ARHGAP23: variants seen among roughly 807,000 people sequenced by gnomAD.
The protein encoded by ARHGAP23 is rho GTPase-activating protein 23.
A neutral mutation model predicts 136.3 loss-of-function variants in ARHGAP23; 34 were observed. The ratio of observed to expected loss-of-function variants is 0.25; its 90% confidence interval spans 0.19 to 0.33. The LOEUF is 0.33. ARHGAP23 is among the 10% of genes least tolerant of loss of function. The probability of loss-of-function intolerance (pLI) is 1.00; values close to 1 mark genes in which losing one functional copy is unlikely to be tolerated. For synonymous variants in ARHGAP23, 832 were observed against 920.5 expected, an observed-to-expected ratio of 0.90 and a Z score of 1.74; for missense variants, 1,808 against 2,139.0, an observed-to-expected ratio of 0.85 and a Z score of 3.05.
At chr17:38,439,522 A>G (rs1417178547) in intron 1 of ARHGAP23, among the ~76,000 whole-genome samples, 2 of 152,184 alleles carry the variant, frequency 1.3e-5, no homozygotes, top group Non-Finnish European at 2.9e-5. Context: ...TTGCCCACCA[A>G]TAATAATAAC....
In ARHGAP23 at chr17:38,486,285, T is replaced by C. The variant is rs1420064696; in HGVS notation, c.2986+145T>C. 17 of 779,860 alleles carry C rather than the reference T, an allele frequency of 2.2e-5. No individual in the cohort carries two copies. The Admixed American group carries it at 4.2e-4, about 19-fold the overall frequency. 48.3% of individuals were successfully genotyped at this position (779,860 alleles called of 1,614,324 possible). On this transcript the variant is annotated intron_variant, in intron 17 of 23. Coordinates refer to ENST00000622683, the MANE Select transcript of ARHGAP23 (RefSeq NM_001199417.2). ...CTCTGTTGCCCAGGCTGGAGTGCAG[T>C]GGCGCAATCACGGCTCATTGCAGCC...
At chr17:38,489,801 T>G (rs2040232358) in intron 17 of ARHGAP23, 1 of 346,716 alleles carries the variant, frequency 2.9e-6, no homozygotes, top group Non-Finnish European at 5.3e-6. Flanking sequence ...GTCCATGTCC[T>G]GGAGACGGGG....
Position 38,469,350 on chromosome 17 carries a change from C to T in ARHGAP23, c.1804+51C>T, listed in dbSNP as rs1430046343. 6.0e-5 allele frequency: 90 copies of T among 1,511,936 alleles called. 1 individual carries two copies. The South Asian group carries it at 1.1e-3, about 19-fold the overall frequency. The allele number at this position is 1,511,936 out of a possible 1,614,324, so 93.7% of individuals were successfully genotyped here. On this transcript the variant is annotated intron_variant, in intron 8 of 23. Coordinates refer to ENST00000622683, the MANE Select transcript of ARHGAP23 (RefSeq NM_001199417.2). ...CCACCCTCTCCCTCGCTGCCCAGTC[C>T]CAGGGGTCTCTGTTGGGCCTGCTGC... is the stretch of plus-strand genomic sequence containing the variant.
At chr17:38,462,792 C>T (rs2039492161) in intron 3 of ARHGAP23, 54 bp from the exon 4 acceptor site, 6 of 1,265,218 alleles carry the variant, frequency 4.7e-6, no homozygotes, top group Non-Finnish European at 6.5e-6. Context: ...TGTAGCTGTG[C>T]ATGGGTGTGA....
rs531978164 is a variant in ARHGAP23, at chr17:38,498,857, C to T, written c.3415+347C>T. 99 of 695,428 alleles carry T rather than the reference C, an allele frequency of 1.4e-4. 2 individuals carry two copies. Among genetic ancestry groups the T allele is most frequent in the South Asian group, 1.4e-3 (94 of 66,752 alleles). The allele number at this position is 695,428 out of a possible 1,614,324, so 43.1% of individuals were successfully genotyped here. ...ATTTTTCTTCCTTTTCTCCTTGCAC[C>T]CCCGCCTCTCCCTCCTCTTCTCCCC... On this transcript the variant is annotated intron_variant, in intron 22 of 23. Coordinates refer to ENST00000622683, the MANE Select transcript of ARHGAP23 (RefSeq NM_001199417.2).
At chr17:38,434,001 C>T (rs533114682) in intron 1 of ARHGAP23, among the ~76,000 whole-genome samples, 1 of 152,102 alleles carries the variant, frequency 6.6e-6, no homozygotes, top group South Asian at 2.1e-4. Flanking sequence ...TTTTTAGAGA[C>T]AAGGTTTCGG....
intron 1 of ARHGAP23, among the ~76,000 whole-genome samples, chr17:38,420,406 C>G: frequency 6.6e-6 from 1 of 152,318 alleles, no homozygotes; most frequent in East Asian, 1.9e-4. Flanking sequence ...CGCCCTAACT[C>G]CCTTCTTTTC....
chr17:38,453,469 G>GCC (rs1458276763), intron 1 of ARHGAP23, among the ~76,000 whole-genome samples: 4 of 150,102 alleles, frequency 2.7e-5, no homozygotes, highest in African/African-American at 9.8e-5. Context: ...GTGCGCGCGC[G>GCC]CGCTGGAAGG....
Position 38,510,783 on chromosome 17 carries a change from C to T in ARHGAP23, c.4287C>T (p.Gly1429=), listed in dbSNP as rs557734782. ...FNEWKELGGG[G]PPEPAGARAH... is the part of the protein sequence containing the mutation. Reference sequence around the variant, plus strand: ...AGTGGAAGGAGCTGGGCGGAGGGGGCCCCCCGGAGCCTGCGGGCGCGCGGG... The same window carrying T: ...AGTGGAAGGAGCTGGGCGGAGGGGGTCCCCCGGAGCCTGCGGGCGCGCGGG... The change falls in exon 24 of 24, where the codon GGC becomes GGT. Residue 1429 remains glycine, a synonymous_variant. Transcript: ENST00000622683. The surrounding 1 kb of genome is among the most constrained non-coding windows in gnomAD (Gnocchi z 4.6). 3.7e-4 allele frequency: 550 copies of T among 1,495,224 alleles called. 2 individuals are homozygous for T. In the Middle Eastern group the frequency reaches 5.1e-3, roughly 14 times the overall value. The allele number at this position is 1,495,224 out of a possible 1,614,324, so 92.6% of individuals were successfully genotyped here.
At position 38,438,213 on chromosome 17, in the gene ARHGAP23, T is replaced by C. The variant is rs547439362; in HGVS notation, c.63+9665T>C. The stretch of plus-strand genomic sequence containing the variant: ...GCATGCGCCTTTAGTCCCAGCTACT[T>C]GGGGGGCTGAGGCAGGAGAATCACT... On this transcript the variant is annotated intron_variant, in intron 1 of 23. Coordinates refer to ENST00000622683, the MANE Select transcript of ARHGAP23 (RefSeq NM_001199417.2). Among the ~76,000 whole-genome samples the C allele has an allele frequency of 4.8e-5, 7 of 145,640 alleles. No homozygotes were observed. The East Asian group carries it at 1.0e-3, about 21-fold the overall frequency.
chr17:38,479,949 G>A lies in ARHGAP23; in HGVS notation c.2629+66G>A, dbSNP rs892657038. ...AGGGGGCATGGGGAGGGGAGGGCAC[G>A]CGTGTGTGTGTTGGGCTGTGTCTGC... On this transcript the variant is annotated intron_variant, in intron 14 of 23. Coordinates refer to ENST00000622683, the MANE Select transcript of ARHGAP23 (RefSeq NM_001199417.2). The A allele has an allele frequency of 4.8e-5, 74 of 1,530,400 alleles. No homozygotes were observed. The East Asian group carries it at 6.4e-4, about 13-fold the overall frequency. 94.8% of individuals were successfully genotyped at this position (1,530,400 alleles called of 1,614,324 possible).
At chr17:38,502,154 A>G (rs1031984015) in intron 23 of ARHGAP23, among the ~76,000 whole-genome samples, 2 of 152,182 alleles carry the variant, frequency 1.3e-5, no homozygotes, top group African/African-American at 4.8e-5. Context: ...AAATACAAAA[A>G]AATTAGCTGG....
chr17:38,467,428 G>A (rs574499323), intron 7 of ARHGAP23, 97 bp downstream of exon 7: 34 of 1,213,530 alleles, frequency 2.8e-5, no homozygotes, highest in African/African-American at 1.5e-4. Flanking sequence ...GGCAGAATTC[G>A]GCTGGGTGCT....
Position 38,469,294 on chromosome 17 carries a change from A to G in ARHGAP23, c.1799A>G (p.Asp600Gly), listed in dbSNP as rs771379203. Reference sequence around the variant, plus strand: ...ACCCTCGGACGCCATTACTCGCAGGACTGCAGTGAGCACTCCCCACACCCC... The same window carrying G: ...ACCCTCGGACGCCATTACTCGCAGGGCTGCAGTGAGCACTCCCCACACCCC... The part of the protein sequence containing the change: ...TFTLGRHYSQ[D>G]CSSIKAGRRS... The change falls in exon 8 of 24, where the codon GAC becomes GGC. Residue 600 changes from aspartate (D) to glycine (G), a missense_variant. Asp to Gly is a moderately conservative substitution (Grantham distance 94). Transcript: ENST00000622683. 65 of 1,550,290 alleles carry G rather than the reference A, an allele frequency of 4.2e-5. No homozygotes were observed. In the South Asian group the frequency reaches 7.7e-4, roughly 18 times the overall value.
chr17:38,456,761 T>TG (rs2039335241), intron 1 of ARHGAP23, among the ~76,000 whole-genome samples: 1 of 152,324 alleles, frequency 6.6e-6, no homozygotes, highest in Non-Finnish European at 1.5e-5. Context: ...AAGGGAGCCC[T>TG]GTCTCAGGCA....
rs2039923014 is a variant in ARHGAP23 at position 38,477,544 on chromosome 17, A to G, written c.2119-35A>G. 2 of 1,248,428 alleles carry G rather than the reference A, an allele frequency of 1.6e-6. No individual in the cohort carries two copies. Among genetic ancestry groups the G allele is most frequent in the African/African-American group, 1.6e-5 (1 of 63,062 alleles). The allele number at this position is 1,248,428 out of a possible 1,614,324, so 77.3% of individuals were successfully genotyped here. On this transcript the variant is annotated intron_variant, in intron 11 of 23. Transcript: ENST00000622683. This position sits in a 1 kb window ranked among gnomAD's most constrained non-coding sequence, Gnocchi z 6.6. ...CAGTGGGCAAAACTGGCCTCTCACC[A>G]TTCCTGTCTCCCCCAACCCCGTGTC...
intron 1 of ARHGAP23, chr17:38,452,471 A>G (rs1466693924): frequency 1.3e-5 from 2 of 152,128 alleles, no homozygotes. Flanking sequence ...CTCCTCCTAG[A>G]TTCAGGAGTG....
chr17:38,511,017 C>T lies in ARHGAP23; in HGVS notation c.*45C>T. 3 of 1,385,058 alleles carry T rather than the reference C, an allele frequency of 2.2e-6. No individual in the cohort carries two copies. The highest frequency in any genetic ancestry group is 1.9e-6 in the Non-Finnish European group (2 of 1,079,928). 85.8% of individuals were successfully genotyped at this position (1,385,058 alleles called of 1,614,324 possible). A position where few individuals can be genotyped will look rare whatever the true frequency, so the allele number is the denominator to read the frequency against. ...TCGGGCGCCACCCCTCCCTAGAGCC[C>T]CTTTGGAACCAGGAGGCTTCACCAG... is the stretch of plus-strand genomic sequence containing the variant. On this transcript the variant is annotated 3_prime_UTR_variant, in exon 24 of 24. Coordinates refer to ENST00000622683, the MANE Select transcript of ARHGAP23 (RefSeq NM_001199417.2).
Position 38,477,881 on chromosome 17 carries a change from C to A in ARHGAP23, c.2421C>A (p.Ser807Arg). The change falls in exon 12 of 24, where the codon AGC becomes AGA. Residue 807 changes from serine to arginine, a missense_variant. Physicochemically the swap from Ser to Arg is moderately radical, Grantham distance 110. Coordinates refer to ENST00000622683, the MANE Select transcript of ARHGAP23 (RefSeq NM_001199417.2). The surrounding 1 kb of genome is among the most constrained non-coding windows in gnomAD (Gnocchi z 6.6). ...LGWIRAIREN[S>R]RAEGEDPGCA... is the part of the protein sequence containing the mutation. ...GGATCAGAGCGATCCGGGAGAACAGCAGGGCCGAGGGCGAGGTGAGGGCCC... is the reference window on the plus strand; with the variant it reads ...GGATCAGAGCGATCCGGGAGAACAGAAGGGCCGAGGGCGAGGTGAGGGCCC... 2 of 1,548,188 alleles carry A rather than the reference C, an allele frequency of 1.3e-6. No individual in the cohort carries two copies. Among genetic ancestry groups the A allele is most frequent in the Non-Finnish European group, 8.7e-7 (1 of 1,146,394 alleles).
Sources: gnomAD v4.1 joint callset for allele counts (sites outside exome capture counted in the v4.1 genomes callset) on GRCh38, gnomAD v4.1.1 for gene constraint, Gnocchi (gnomAD v3.1) non-coding constraint, MANE v1.5 for transcripts, NCBI Gene and HGNC (gene_info 2026-07-23, HGNC 2026-07-21) for gene names.